Variants in CHLSN observed in about 807,000 individuals in gnomAD.
CHLSN encodes cholesin, also known as protein cholesin.
At chr7:1,025,716 T>C in the CHLSN span, 2 of 152,258 alleles carry the variant, frequency 1.3e-5, no homozygotes, top group Admixed American at 6.5e-5. Flanking sequence ...AGAGGTTGCG[T>C]GGCTCCCCAG....
chr7:1,023,161 G>A, the CHLSN span: 1 of 362,620 alleles, frequency 2.8e-6, no homozygotes, highest in Non-Finnish European at 5.6e-6. The surrounding 1 kb of genome is among the most constrained non-coding windows in gnomAD (Gnocchi z 5.0). Context: ...GAGGTCTGAT[G>A]CACAGCCACA....
chr7:1,038,662 G>A, the CHLSN span, among the ~76,000 whole-genome samples: 210 of 98,166 alleles, frequency 2.1e-3, no homozygotes, highest in African/African-American at 7.0e-3. Flanking sequence ...GAGGTGGGGG[G>A]GTCAGCCCCC....
At chr7:1,067,744 G>A in the CHLSN span, among the ~76,000 whole-genome samples, 1 of 139,640 alleles carries the variant, frequency 7.2e-6, no homozygotes, top group African/African-American at 2.8e-5. Context: ...TCTTCACACA[G>A]GCTGGAGTGC....
the CHLSN span, chr7:1,092,519 T>C: frequency 5.8e-5 from 94 of 1,608,102 alleles, no homozygotes; most frequent in Middle Eastern, 3.3e-4. Flanking sequence ...ATCCTCGCGG[T>C]GGTGCTGGTC....
chr7:1,074,930 C>T, the CHLSN span, among the ~76,000 whole-genome samples: 1,413 of 152,360 alleles, frequency 9.3e-3, 18 homozygotes, highest in African/African-American at 0.032. Flanking sequence ...GAGCGCAGGA[C>T]AGACGTCCCT....
chr7:1,138,151 G>A, the CHLSN span: 1 of 151,802 alleles, frequency 6.6e-6, no homozygotes, highest in Admixed American at 6.6e-5. Flanking sequence ...CTGGCGCCCT[G>A]ACCCGCCGGC....
the CHLSN span, among the ~76,000 whole-genome samples, chr7:1,053,266 G>A: frequency 6.6e-5 from 10 of 152,390 alleles, no homozygotes; most frequent in African/African-American, 1.9e-4. Context: ...CAGGCACATG[G>A]GGCCCAGGCC....
the CHLSN span, among the ~76,000 whole-genome samples, chr7:1,077,180 G>T: frequency 6.6e-6 from 1 of 152,114 alleles, no homozygotes; most frequent in East Asian, 1.9e-4. Context: ...TTTTGAGATG[G>T]AGTCTCTCTC....
At chr7:1,117,808 C>T in the CHLSN span, among the ~76,000 whole-genome samples, 2 of 151,408 alleles carry the variant, frequency 1.3e-5, no homozygotes, top group African/African-American at 4.9e-5. Context: ...ACGGCTCTAC[C>T]GACCAGCTTC....
At chr7:1,031,879 G>T in the CHLSN span, among the ~76,000 whole-genome samples, 1 of 151,968 alleles carries the variant, frequency 6.6e-6, no homozygotes, top group African/African-American at 2.4e-5. Context: ...GTCCAGGTGC[G>T]GGGGGCGGCC....
chr7:1,002,935 T>C, the CHLSN span, among the ~76,000 whole-genome samples: 1 of 80,042 alleles, frequency 1.2e-5, no homozygotes, highest in Non-Finnish European at 2.4e-5. Flanking sequence ...GGGTAGGGAG[T>C]CCTGTGGGTG....
At chr7:1,042,148 C>A in the CHLSN span, among the ~76,000 whole-genome samples, 1 of 152,108 alleles carries the variant, frequency 6.6e-6, no homozygotes, top group Non-Finnish European at 1.5e-5. Flanking sequence ...GGGCACCCCC[C>A]ACCCGCAACA....
the CHLSN span, chr7:986,723 G>A: frequency 3.1e-6 from 5 of 1,611,264 alleles, no homozygotes; most frequent in Non-Finnish European, 4.2e-6. Flanking sequence ...GACCCTCCTG[G>A]AGGCGCGGAG....
At chr7:978,750 T>G in the CHLSN span, among the ~76,000 whole-genome samples, 1 of 152,366 alleles carries the variant, frequency 6.6e-6, no homozygotes, top group South Asian at 2.1e-4. Context: ...GAAGCTTACG[T>G]GGCCGTGTTC....
At chr7:1,031,185 C>A in the CHLSN span, among the ~76,000 whole-genome samples, 1 of 152,234 alleles carries the variant, frequency 6.6e-6, no homozygotes, top group African/African-American at 2.4e-5. Flanking sequence ...TGCCGTTCCA[C>A]ACGCTACATA....
the CHLSN span, among the ~76,000 whole-genome samples, chr7:1,085,279 C>G: frequency 6.6e-6 from 1 of 152,216 alleles, no homozygotes; most frequent in Non-Finnish European, 1.5e-5. Flanking sequence ...ATTTTCACTT[C>G]TTAAAAATTC....
At chr7:1,015,016 G>T in the CHLSN span, among the ~76,000 whole-genome samples, 1 of 152,354 alleles carries the variant, frequency 6.6e-6, no homozygotes, top group East Asian at 1.9e-4. Context: ...GGTCCTGTGT[G>T]GGGGCCGCGT....
chr7:1,114,389 T>C, the CHLSN span, among the ~76,000 whole-genome samples: 8 of 152,224 alleles, frequency 5.3e-5, no homozygotes, highest in African/African-American at 1.9e-4. Flanking sequence ...AATGCGCCCC[T>C]GTCACCAGCG....
At chr7:985,550 C>T in the CHLSN span, among the ~76,000 whole-genome samples, 1 of 152,210 alleles carries the variant, frequency 6.6e-6, no homozygotes, top group Non-Finnish European at 1.5e-5. Context: ...CCCATCTCCC[C>T]CACGCCCTCA....
Sources: gnomAD v4.1 joint callset for allele counts (sites outside exome capture counted in the v4.1 genomes callset) on GRCh38, gnomAD v4.1.1 for gene constraint, Gnocchi (gnomAD v3.1) non-coding constraint, MANE v1.5 for transcripts, NCBI Gene and HGNC (gene_info 2026-07-23, HGNC 2026-07-21) for gene names.